FARS2: variants seen among roughly 807,000 people sequenced by gnomAD.
The protein encoded by FARS2 is phenylalanyl-tRNA synthetase 2, mitochondrial.
FARS2 carries 40 observed loss-of-function variants against 46.4 expected under a neutral mutation model. The ratio of observed to expected loss-of-function variants is 0.86; its 90% CI spans 0.67 to 1.12. The LOEUF is 1.12. Ranked by LOEUF, FARS2 falls within the 50% of genes most tolerant of loss-of-function variation. The pLI, the probability that FARS2 is intolerant of heterozygous loss-of-function variation, is 0.00. For synonymous variants in FARS2, 234 were observed against 214.9 expected (o/e 1.09, Z -0.78); for missense variants, 513 against 567.9 (o/e 0.90, Z 0.98).
intron 2 of FARS2, among the ~76,000 whole-genome samples, chr6:5,399,699 A>T (rs1227154269): frequency 6.6e-6 from 1 of 151,526 alleles, no homozygotes; most frequent in Non-Finnish European, 1.5e-5. Context: ...GTATTTTATT[A>T]TTTCTTACAT....
At chr6:5,714,940 G>A (rs1447828777) in intron 6 of FARS2, among the ~76,000 whole-genome samples, 5 of 152,128 alleles carry the variant, frequency 3.3e-5, no homozygotes, top group Admixed American at 2.6e-4. Context: ...TGGGAGAATC[G>A]CTTGAACCCA....
intron 1 of FARS2, among the ~76,000 whole-genome samples, chr6:5,362,623 A>G (rs751874703): frequency 1.3e-5 from 2 of 152,134 alleles, no homozygotes; most frequent in Non-Finnish European, 2.9e-5. Context: ...TCATATGTTA[A>G]TAGTTCTATT....
At chr6:5,405,331 T>G (rs1761504151) in intron 3 of FARS2, among the ~76,000 whole-genome samples, 1 of 152,108 alleles carries the variant, frequency 6.6e-6, no homozygotes, top group South Asian at 2.1e-4. Flanking sequence ...TCAGAAACTT[T>G]TAGCTAGAGA....
intron 4 of FARS2, among the ~76,000 whole-genome samples, chr6:5,518,350 G>T (rs567418130): frequency 2.0e-5 from 3 of 152,270 alleles, no homozygotes; most frequent in African/African-American, 7.2e-5. Flanking sequence ...TATGTATTGG[G>T]AAGAATAAAG....
chr6:5,279,504 C>A (rs1043885480), intron 1 of FARS2, among the ~76,000 whole-genome samples: 3 of 149,798 alleles, frequency 2.0e-5, no homozygotes, highest in African/African-American at 7.3e-5. Context: ...TGAGTGTATT[C>A]GTTTGGCTAG....
chr6:5,368,713 G>A lies in FARS2; in HGVS notation c.143G>A (p.Gly48Asp), dbSNP rs750482903. Residue 48 changes from glycine (G) to aspartate (D), a missense_variant, in exon 2 of 7, where the codon GGC becomes GAC. Physicochemically the swap from Gly to Asp is moderately conservative, Grantham distance 94 (BLOSUM62 -1). Transcript: ENST00000274680. ...AAECATQRAP[G>D]SVVELLGKSY... ...GAGTGTGCCACCCAAAGAGCTCCAG[G>A]CAGTGTGGTGGAGCTGCTGGGCAAA... 1.7e-5 allele frequency: 27 copies of A among 1,614,038 alleles called. 1 individual carries two copies. The South Asian group carries it at 3.0e-4, about 18-fold the overall frequency.
At chr6:5,476,861 G>C (rs1378379025) in intron 4 of FARS2, among the ~76,000 whole-genome samples, 1 of 152,172 alleles carries the variant, frequency 6.6e-6, no homozygotes, top group African/African-American at 2.4e-5. Flanking sequence ...GGAGGAATAG[G>C]ATGTAGGAGG....
chr6:5,430,964 A>G (rs1334808445), intron 3 of FARS2, 77 bp from the exon 4 acceptor site: 19 of 1,482,520 alleles, frequency 1.3e-5, no homozygotes, highest in Non-Finnish European at 1.8e-5. Context: ...TGTCATTAGT[A>G]GAAGGGAAAA....
chr6:5,610,807 G>A (rs1014294954), intron 5 of FARS2, among the ~76,000 whole-genome samples: 16 of 152,210 alleles, frequency 1.1e-4, no homozygotes, highest in African/African-American at 3.1e-4. Flanking sequence ...CCCACCAGGT[G>A]GCTTTGCCTG....
At chr6:5,590,979 C>A (rs746525751) in intron 5 of FARS2, among the ~76,000 whole-genome samples, 2 of 152,154 alleles carry the variant, frequency 1.3e-5, no homozygotes, top group East Asian at 3.9e-4. Context: ...AAAATGTATT[C>A]TGGTGATATG....
At chr6:5,325,309 A>G (rs753604755) in intron 1 of FARS2, among the ~76,000 whole-genome samples, 1 of 152,254 alleles carries the variant, frequency 6.6e-6, no homozygotes, top group East Asian at 1.9e-4. Flanking sequence ...TAGCATAGGT[A>G]AGGAAATTGC....
chr6:5,439,124 G>A (rs9405832), intron 4 of FARS2, among the ~76,000 whole-genome samples: 60,482 of 151,922 alleles, frequency 0.4, 12,701 homozygotes, highest in Non-Finnish European at 0.46. Context: ...GCTTATTTTT[G>A]TCCATCCTGT....
chr6:5,649,182 A>G (rs1777220674), intron 6 of FARS2, among the ~76,000 whole-genome samples: 1 of 152,176 alleles, frequency 6.6e-6, no homozygotes, highest in South Asian at 2.1e-4. Flanking sequence ...CTGATGTGAA[A>G]AGGTATATAG....
chr6:5,453,875 G>A (rs535421417), intron 4 of FARS2, among the ~76,000 whole-genome samples: 6 of 152,250 alleles, frequency 3.9e-5, no homozygotes, highest in African/African-American at 1.2e-4. Flanking sequence ...GAGAGCCCAC[G>A]AAGCCGTGCC....
At chr6:5,579,928 T>C (rs1342540460) in intron 5 of FARS2, among the ~76,000 whole-genome samples, 2 of 152,158 alleles carry the variant, frequency 1.3e-5, no homozygotes, top group Non-Finnish European at 2.9e-5. Flanking sequence ...TTTGTTTGTT[T>C]TTGTTGTTGT....
chr6:5,608,216 G>A (rs2150658654), intron 5 of FARS2, among the ~76,000 whole-genome samples: 1 of 152,266 alleles, frequency 6.6e-6, no homozygotes, highest in African/African-American at 2.4e-5. Flanking sequence ...TGTTACAGGA[G>A]TGTTTACCAT....
At chr6:5,301,133 T>C (rs1768268589) in intron 1 of FARS2, among the ~76,000 whole-genome samples, 3 of 152,156 alleles carry the variant, frequency 2.0e-5, no homozygotes, top group Admixed American at 6.6e-5. Flanking sequence ...CTGTAGTCTT[T>C]TATTTTTCTT....
At chr6:5,520,209 T>C (rs1448333564) in intron 4 of FARS2, among the ~76,000 whole-genome samples, 3 of 152,160 alleles carry the variant, frequency 2.0e-5, no homozygotes, top group African/African-American at 7.2e-5. Flanking sequence ...GTTGATTTTT[T>C]TAAATTTAAT....
intron 6 of FARS2, among the ~76,000 whole-genome samples, chr6:5,715,213 A>G (rs1026873149): frequency 6.6e-6 from 1 of 152,046 alleles, no homozygotes; most frequent in African/African-American, 2.4e-5. Flanking sequence ...ACAGCTCATA[A>G]TTTTGAGAGT....
Sources: allele counts gnomAD v4.1 joint callset (sites outside exome capture counted in the v4.1 genomes callset), GRCh38; gene constraint gnomAD v4.1.1; transcripts MANE v1.5; gene names NCBI Gene and HGNC (gene_info 2026-07-23, HGNC 2026-07-21).